SYT16: variants seen among roughly 807,000 people sequenced by gnomAD.
The protein encoded by SYT16 is synaptotagmin-16.
SYT16 carries 42 observed loss-of-function variants against 61.4 expected under a neutral mutation model. The observed-to-expected ratio is 0.68, with a 90% confidence interval of 0.53 to 0.89. The LOEUF is 0.89. SYT16 is among the 40% of genes least tolerant of loss of function. The pLI, the probability that SYT16 is intolerant of heterozygous loss-of-function variation, is 0.00. For synonymous variants in SYT16, 314 were observed against 302.3 expected (o/e 1.04, Z -0.40); for missense variants, 804 against 807.3 (o/e 1.00, Z 0.05).
chr14:61,856,050 G>T (rs939583106), intron 1 of SYT16, among the ~76,000 whole-genome samples: 2 of 152,222 alleles, frequency 1.3e-5, no homozygotes, highest in South Asian at 4.1e-4. Flanking sequence ...GATGGCGGGG[G>T]GTCAGTCCAC....
intron 1 of SYT16, among the ~76,000 whole-genome samples, chr14:61,896,786 G>T (rs2048340136): frequency 6.6e-6 from 1 of 152,108 alleles, no homozygotes; most frequent in Non-Finnish European, 1.5e-5. Flanking sequence ...CACTTTAGAT[G>T]CTCATCTTAT....
At chr14:62,079,259 C>G (rs759408369) in intron 5 of SYT16, 3 of 648,868 alleles carry the variant, frequency 4.6e-6, no homozygotes, top group African/African-American at 3.8e-5. Flanking sequence ...TGAATAGAAA[C>G]ACTCACGCAT....
At position 62,100,570 on chromosome 14, in the gene SYT16, A is replaced by G; in HGVS notation, c.1801A>G (p.Met601Val). The G allele has an allele frequency of 6.2e-7, 1 of 1,613,828 alleles. No homozygotes were observed. The highest frequency in any genetic ancestry group is 8.5e-7 in the Non-Finnish European group (1 of 1,179,836). The change falls in exon 8 of 8, where the codon ATG (methionine) becomes GTG (valine). Residue 601 changes from methionine (M) to valine (V), a missense_variant. Coordinates refer to ENST00000683842, the MANE Select transcript of SYT16 (RefSeq NM_001367656.1). ...LMISVYNRRTMKRKEMIGWIA... is the reference protein window; with the variant it reads ...LMISVYNRRTVKRKEMIGWIA... ...GATTTCCGTTTATAACAGGCGTACT[A>G]TGAAGCGTAAAGAGATGATTGGCTG... is the stretch of plus-strand genomic sequence containing the variant.
chr14:61,812,905 C>T (rs540664180), intron 1 of SYT16, 95 bp downstream of exon 1: 1 of 152,264 alleles, frequency 6.6e-6, no homozygotes, highest in African/African-American at 2.4e-5. Context: ...TGTGCTGGCT[C>T]GCGGCAGCAG....
intron 1 of SYT16, among the ~76,000 whole-genome samples, chr14:61,851,476 G>A (rs560369778): frequency 2.0e-4 from 30 of 151,754 alleles, no homozygotes; most frequent in East Asian, 1.7e-3. Context: ...GGTCTTTGAG[G>A]AATCACCACA....
chr14:61,952,008 C>T (rs1325627212), intron 1 of SYT16, among the ~76,000 whole-genome samples: 1 of 151,996 alleles, frequency 6.6e-6, no homozygotes, highest in East Asian at 1.9e-4. Flanking sequence ...AGGCTGGTTT[C>T]GAACTCCTGG....
intron 1 of SYT16, among the ~76,000 whole-genome samples, chr14:61,888,329 G>A (rs1486437213): frequency 6.6e-6 from 1 of 152,036 alleles, no homozygotes; most frequent in Non-Finnish European, 1.5e-5. Context: ...TATTGGCCAG[G>A]CTGGTCTCAA....
intron 1 of SYT16, among the ~76,000 whole-genome samples, chr14:61,841,473 G>GT (rs1566621080): frequency 6.6e-6 from 1 of 151,978 alleles, no homozygotes; most frequent in Non-Finnish European, 1.5e-5. Context: ...CATTTAAAAG[G>GT]TTTTTAAAAA....
chr14:62,063,763 TG>T (rs2055933774), intron 3 of SYT16, among the ~76,000 whole-genome samples: 1 of 152,162 alleles, frequency 6.6e-6, no homozygotes, highest in Admixed American at 6.5e-5. Flanking sequence ...AATAGGAACT[TG>T]ATATTGATAG....
chr14:61,945,766 G>C (rs1040303634), intron 1 of SYT16, among the ~76,000 whole-genome samples: 3 of 142,800 alleles, frequency 2.1e-5, no homozygotes, highest in Non-Finnish European at 3.0e-5. Context: ...TGAGGCAGGA[G>C]AATGGCGTGA....
intron 1 of SYT16, among the ~76,000 whole-genome samples, chr14:61,914,336 G>A (rs2049040022): frequency 1.3e-5 from 2 of 152,148 alleles, no homozygotes; most frequent in South Asian, 4.1e-4. Flanking sequence ...AGCTCCACAT[G>A]TTGTGGCTGA....
At chr14:61,893,330 G>A (rs2048207424) in intron 1 of SYT16, among the ~76,000 whole-genome samples, 2 of 152,202 alleles carry the variant, frequency 1.3e-5, no homozygotes, top group Admixed American at 1.3e-4. Context: ...GCTTTCCTCT[G>A]AAATGCCTTT....
chr14:61,935,596 T>A (rs1297049824), intron 1 of SYT16, among the ~76,000 whole-genome samples: 1 of 152,156 alleles, frequency 6.6e-6, no homozygotes, highest in Non-Finnish European at 1.5e-5. Flanking sequence ...GTTGGGGTGG[T>A]GAAACGGACC....
rs28810095 is a variant in SYT16 at position 62,002,065 on chromosome 14, T to G, written c.523+5523T>G. 7.8e-3 allele frequency among the ~76,000 whole-genome samples: 1,192 copies of G among 152,242 alleles called. 12 individuals carry two copies. Among genetic ancestry groups the G allele is most frequent in the African/African-American group, 0.028 (1,151 of 41,550 alleles). On this transcript the variant is annotated intron_variant, in intron 3 of 7. Coordinates refer to ENST00000683842, the MANE Select transcript of SYT16 (RefSeq NM_001367656.1). ...TCCAATATCTGAGTCATATTTGAGT[T>G]TGGCTGTCTTGGTTGTTTTGTCTCT...
chr14:61,823,579 A>C (rs1243462728), intron 1 of SYT16, among the ~76,000 whole-genome samples: 1 of 148,376 alleles, frequency 6.7e-6, no homozygotes, highest in African/African-American at 2.6e-5. Context: ...AAATACAAAA[A>C]AAAAAAAAAA....
intron 3 of SYT16, among the ~76,000 whole-genome samples, chr14:62,065,698 G>C: frequency 6.6e-6 from 1 of 152,110 alleles, no homozygotes; most frequent in East Asian, 1.9e-4. Context: ...GTCTAATCCA[G>C]ACACCCCTCA....
chr14:62,029,524 C>T (rs1238768433), intron 3 of SYT16, among the ~76,000 whole-genome samples: 2 of 152,150 alleles, frequency 1.3e-5, no homozygotes, highest in African/African-American at 2.4e-5. Context: ...CTAAAAATGA[C>T]ATGTTACACT....
chr14:61,909,667 G>C (rs570097503), intron 1 of SYT16, among the ~76,000 whole-genome samples: 1 of 152,308 alleles, frequency 6.6e-6, no homozygotes, highest in African/African-American at 2.4e-5. Flanking sequence ...CACAGGTTAT[G>C]AGTGTTAGGG....
intron 1 of SYT16, among the ~76,000 whole-genome samples, chr14:61,825,543 C>T (rs1158988925): frequency 6.6e-6 from 1 of 152,066 alleles, no homozygotes; most frequent in East Asian, 1.9e-4. Context: ...ATTAGCCAGG[C>T]TTGGTGGTGC....
Sources: allele counts gnomAD v4.1 joint callset (sites outside exome capture counted in the v4.1 genomes callset), GRCh38; gene constraint gnomAD v4.1.1; transcripts MANE v1.5; gene names NCBI Gene and HGNC (gene_info 2026-07-23, HGNC 2026-07-21).